Variants in EXPH5 observed in about 807,000 individuals in gnomAD.
EXPH5 encodes the protein exophilin-5.
In EXPH5, 42 loss-of-function variants were observed where a neutral mutation model predicts 41.1. The observed-to-expected ratio is 1.02, with a 90% CI of 0.80 to 1.32. The LOEUF (loss-of-function observed/expected upper bound fraction) is 1.32, where lower values mean the gene tolerates loss of function less well. Ranked by LOEUF, EXPH5 falls within the 40% of genes most tolerant of loss-of-function variation. The pLI is 0.00. For synonymous variants in EXPH5, 798 were observed against 833.5 expected, an observed-to-expected ratio of 0.96 and a Z score of 0.73; for missense variants, 2,298 against 2,314.5, an observed-to-expected ratio of 0.99 and a Z score of 0.15.
At chr11:108,575,211 T>C (rs1268321786) in intron 1 of EXPH5, among the ~76,000 whole-genome samples, 3 of 152,200 alleles carry the variant, frequency 2.0e-5, no homozygotes, top group Non-Finnish European at 4.4e-5. Context: ...TAATTTTTTT[T>C]CCCACAAAAT....
In EXPH5 at chr11:108,512,477, G is replaced by A. The variant is rs2093689505; in HGVS notation, c.3030C>T (p.Ser1010=). Reference sequence around the variant, plus strand: ...AAATTGTGTCAAGTTCAGAAACTTTGGAATTGCTTTGATTTGCTTCAATGA... The same window carrying A: ...AAATTGTGTCAAGTTCAGAAACTTTAGAATTGCTTTGATTTGCTTCAATGA... The part of the protein sequence containing the change: ...RSLIEANQSN[S]KVSELDTIYC... Residue 1010 remains serine (S), a synonymous_variant, in exon 6 of 6, where the codon TCC becomes TCT. Transcript: ENST00000265843. The A allele has an allele frequency of 6.2e-7, 1 of 1,613,858 alleles. No individual in the cohort carries two copies. The highest frequency in any genetic ancestry group is 1.1e-5 in the South Asian group (1 of 91,038).
In EXPH5 at chr11:108,513,152, G is replaced by C. The variant is rs1320009161; in HGVS notation, c.2355C>G (p.His785Gln). The change falls in exon 6 of 6, where the codon CAC becomes CAG. Residue 785 changes from histidine (H) to glutamine (Q), a missense_variant. Transcript: ENST00000265843. ...RKDTSKMYIP[H>Q]TDKSNDIKQD... ...GTTTAATGTCATTGGATTTATCTGT[G>C]TGCGGTATATACATTTTGGAGGTAT... 1.2e-6 allele frequency: 2 copies of C among 1,613,892 alleles called. No individual in the cohort carries two copies. The highest frequency in any genetic ancestry group is 2.2e-5 in the South Asian group (2 of 90,998).
rs115114921 is a variant in EXPH5, at chr11:108,561,312, G to A, written c.120-19500C>T. 4.9e-3 allele frequency among the ~76,000 whole-genome samples: 750 copies of A among 152,186 alleles called. 4 individuals carry two copies. The highest frequency in any genetic ancestry group is 0.017 in the African/African-American group (702 of 41,540). On this transcript the variant is annotated intron_variant, in intron 1 of 5. Transcript: ENST00000265843. ...AGCTTTGATTCCCTTTGACATTATTGGCATAGAAAAAGAAATCTGGATATC... is the reference window on the plus strand; with the variant it reads ...AGCTTTGATTCCCTTTGACATTATTAGCATAGAAAAAGAAATCTGGATATC...
At chr11:108,515,761 C>T (rs1007589305) in intron 5 of EXPH5, among the ~76,000 whole-genome samples, 11 of 152,142 alleles carry the variant, frequency 7.2e-5, no homozygotes, top group African/African-American at 2.7e-4. Context: ...CTGTACAATG[C>T]AACCTCTGTG....
At chr11:108,592,300 T>A (rs1218763867) in intron 1 of EXPH5, among the ~76,000 whole-genome samples, 1 of 152,162 alleles carries the variant, frequency 6.6e-6, no homozygotes, top group Non-Finnish European at 1.5e-5. Flanking sequence ...GGCATTGGGC[T>A]TAGTGTATTC....
At chr11:108,573,139 G>GGAAAGAAAGAAAGAAA (rs3054581) in intron 1 of EXPH5, among the ~76,000 whole-genome samples, 988 of 90,532 alleles carry the variant, frequency 0.011, 17 homozygotes, top group East Asian at 0.019. Context: ...AAGGAAAGAA[G>GGAAAGAAAGAAAGAAA]GAAAGAAAGA....
At chr11:108,560,160 A>G (rs1376713791) in intron 1 of EXPH5, among the ~76,000 whole-genome samples, 2 of 152,188 alleles carry the variant, frequency 1.3e-5, no homozygotes, top group Admixed American at 6.5e-5. Flanking sequence ...CAGCACCATG[A>G]ATCTACTGCT....
At chr11:108,559,218 A>C (rs930297807) in intron 1 of EXPH5, among the ~76,000 whole-genome samples, 3 of 152,218 alleles carry the variant, frequency 2.0e-5, no homozygotes, top group African/African-American at 7.2e-5. Flanking sequence ...GCAGGGAAGA[A>C]ATATTTGTTG....
Position 108,512,903 on chromosome 11 carries a change from A to G in EXPH5, c.2604T>C (p.Pro868=). The G allele has an allele frequency of 6.2e-7, 1 of 1,613,930 alleles. No homozygotes were observed. Among genetic ancestry groups the G allele is most frequent in the African/African-American group, 1.3e-5 (1 of 75,062 alleles). Residue 868 remains proline (P), a synonymous_variant, in exon 6 of 6, where the codon CCT becomes CCC. Transcript: ENST00000265843. ...AAGAATCACACGAGGTCTTGTGGCCAGGAGTTAACTTGCATTTTGAGTATT... is the reference window on the plus strand; with the variant it reads ...AAGAATCACACGAGGTCTTGTGGCCGGGAGTTAACTTGCATTTTGAGTATT... ...NAQYSKCKLT[P]GHKTSCDSLD...
In EXPH5 at chr11:108,514,039, A is replaced by G; in HGVS notation, c.1468T>C (p.Trp490Arg). The change falls in exon 6 of 6, where the codon TGG becomes CGG. Residue 490 changes from tryptophan (W) to arginine (R), a missense_variant. Trp to Arg is a moderately radical substitution (Grantham distance 101, BLOSUM62 -3). Transcript: ENST00000265843. Reference protein sequence around the residue: ...FWGQEKGHSFWSDFHRSRKSF... With the variant: ...FWGQEKGHSFRSDFHRSRKSF... The stretch of plus-strand genomic sequence containing the variant: ...TTCCTGCTTCGATGAAAGTCAGACC[A>G]GAAAGAATGTCCTTTCTCTTGGCCC... The G allele has an allele frequency of 6.2e-7, 1 of 1,614,164 alleles. No homozygotes were observed. Among genetic ancestry groups the G allele is most frequent in the Non-Finnish European group, 8.5e-7 (1 of 1,180,008 alleles).
chr11:108,542,685 A>G (rs1565810991), intron 1 of EXPH5, among the ~76,000 whole-genome samples: 1 of 152,242 alleles, frequency 6.6e-6, no homozygotes, highest in Non-Finnish European at 1.5e-5. Flanking sequence ...GCTAACATGC[A>G]GAAAAGAAAT....
chr11:108,556,374 A>ATT (rs1239113951), intron 1 of EXPH5, among the ~76,000 whole-genome samples: 1 of 151,682 alleles, frequency 6.6e-6, no homozygotes, highest in African/African-American at 2.4e-5. Flanking sequence ...GGCACTTAAG[A>ATT]GTGTTTCCAT....
At position 108,514,470 on chromosome 11, in the gene EXPH5, G is replaced by C. The variant is rs1205026461; in HGVS notation, c.1037C>G (p.Ala346Gly). The C allele has an allele frequency of 3.7e-6, 6 of 1,613,182 alleles. No homozygotes were observed. Among genetic ancestry groups the C allele is most frequent in the East Asian group, 2.2e-5 (1 of 44,890 alleles). The part of the protein sequence containing the change: ...HFTARSLHFP[A>G]TTQSKSGFIP... ...AAACCCACTCTTGCTCTGAGTTGTG[G>C]CTGGAAAATGTAAGCTTCTTGCTGT... The change falls in exon 6 of 6, where the codon GCC becomes GGC. Residue 346 changes from alanine (A) to glycine (G), a missense_variant. Coordinates refer to ENST00000265843, the MANE Select transcript of EXPH5 (RefSeq NM_015065.3).
At chr11:108,569,170 T>C (rs1223707200) in intron 1 of EXPH5, among the ~76,000 whole-genome samples, 1 of 152,140 alleles carries the variant, frequency 6.6e-6, no homozygotes, top group Non-Finnish European at 1.5e-5. Flanking sequence ...TGCTGTTCAC[T>C]TCACCTTTAT....
upstream of EXPH5, among the ~76,000 whole-genome samples, chr11:108,594,711 A>G (rs1202949341): frequency 2.0e-5 from 3 of 152,170 alleles, no homozygotes; most frequent in Non-Finnish European, 4.4e-5. Flanking sequence ...CATTTTGAAG[A>G]TGGTGGTGAT....
chr11:108,549,452 C>T (rs2136052564), intron 1 of EXPH5, among the ~76,000 whole-genome samples: 2 of 152,292 alleles, frequency 1.3e-5, no homozygotes, highest in Middle Eastern at 3.4e-3. Flanking sequence ...TCCCCCTCCT[C>T]TTCTTTGTCT....
intron 4 of EXPH5, among the ~76,000 whole-genome samples, chr11:108,524,012 T>C (rs542492947): frequency 1.1e-4 from 16 of 152,318 alleles, no homozygotes; most frequent in African/African-American, 3.4e-4. Flanking sequence ...GAGCTCTACA[T>C]AGGTTCCAAT....
rs2093661937 is a variant in EXPH5, at chr11:108,509,481, C to T, written c.*56G>A. ...CTTCCATGCACATGCACATGTACAC[C>T]TTAGTTCCATTATAAGCTTTTGGTG... On this transcript the variant is annotated 3_prime_UTR_variant, in exon 6 of 6. Transcript: ENST00000265843. 7 of 1,479,338 alleles carry T rather than the reference C, an allele frequency of 4.7e-6. No homozygotes were observed. The highest frequency in any genetic ancestry group is 6.3e-6 in the Non-Finnish European group (7 of 1,102,636). The allele number at this position is 1,479,338 out of a possible 1,614,324, so 91.6% of individuals were successfully genotyped here. A position where few individuals can be genotyped will look rare whatever the true frequency, so the allele number is the denominator to read the frequency against.
At chr11:108,522,910 A>G (rs557634378) in intron 4 of EXPH5, among the ~76,000 whole-genome samples, 1 of 151,232 alleles carries the variant, frequency 6.6e-6, no homozygotes, top group Non-Finnish European at 1.5e-5. Flanking sequence ...AGAGACAGGG[A>G]CTTGCTCCAT....
Sources: allele counts gnomAD v4.1 joint callset (sites outside exome capture counted in the v4.1 genomes callset), GRCh38; gene constraint gnomAD v4.1.1; transcripts MANE v1.5; gene names NCBI Gene and HGNC (gene_info 2026-07-23, HGNC 2026-07-21).